The following ZBTB17 variants were observed in gnomAD, a reference collection of about 807,000 sequenced individuals.
ZBTB17 encodes the protein zinc finger and BTB domain containing 17.
A neutral mutation model predicts 85.1 loss-of-function variants in ZBTB17; 24 were observed. That is an observed-to-expected ratio of 0.28 (90% CI 0.20 to 0.40). ZBTB17 has a LOEUF of 0.40. Ranked by LOEUF, ZBTB17 falls within the 10% of genes least tolerant of loss-of-function variation. The pLI is 1.00. For missense variants in ZBTB17, 743 were observed against 1,105.1 expected (o/e 0.67, Z 4.65); for synonymous variants, 464 against 460.2 (o/e 1.01, Z -0.11).
chr1:15,966,625 G>GT lies in ZBTB17; in HGVS notation c.-3+6413dup, dbSNP rs2072451317. ...GAGCCTAAGCCCCAGTTTTCTACAC[G>GT]TATCTGTGCTGACTGCATTACTGAG... On this transcript the variant is annotated intron_variant, in intron 2 of 15. Transcript: ENST00000375743. The surrounding 1 kb of genome is among the most constrained non-coding windows in gnomAD (Gnocchi z 4.1). Among the ~76,000 whole-genome samples, 1 of 152,086 alleles carries GT rather than the reference G, an allele frequency of 6.6e-6. No homozygotes were observed.
chr1:15,947,943 C>G (rs1319097572), intron 3 of ZBTB17, among the ~76,000 whole-genome samples: 1 of 152,212 alleles, frequency 6.6e-6, no homozygotes, highest in Non-Finnish European at 1.5e-5. Context: ...CTAGTTAGCA[C>G]TGGGGTAGAT....
chr1:15,944,903 G>C (rs754143361), intron 7 of ZBTB17, 34 bp downstream of exon 7: 4 of 1,561,586 alleles, frequency 2.6e-6, no homozygotes, highest in Non-Finnish European at 1.7e-6. Context: ...GGGGAGGGAC[G>C]CTGGCTGGGA....
chr1:15,967,581 G>A (rs1242166597), intron 2 of ZBTB17, among the ~76,000 whole-genome samples: 2 of 151,814 alleles, frequency 1.3e-5, no homozygotes, highest in African/African-American at 4.8e-5. Flanking sequence ...ACACGCTTGA[G>A]AACCTTCTGA....
At chr1:15,956,689 A>G (rs1166879764) in intron 2 of ZBTB17, among the ~76,000 whole-genome samples, 5 of 152,176 alleles carry the variant, frequency 3.3e-5, no homozygotes, top group African/African-American at 1.2e-4. Flanking sequence ...ACAGATACAT[A>G]GAGAGAGAGG....
chr1:15,956,143 T>A (rs2072036874), intron 2 of ZBTB17, among the ~76,000 whole-genome samples: 1 of 152,194 alleles, frequency 6.6e-6, no homozygotes, highest in African/African-American at 2.4e-5. Context: ...ACTTGGGCAG[T>A]ACCTGATCAT....
chr1:15,946,543 C>T (rs557577006), intron 4 of ZBTB17, among the ~76,000 whole-genome samples: 1 of 152,360 alleles, frequency 6.6e-6, no homozygotes, highest in African/African-American at 2.4e-5. Flanking sequence ...CATGTGTGCA[C>T]TAAGGGAGCT....
Position 15,948,294 on chromosome 1 carries a change from C to T in ZBTB17, c.202G>A (p.Ala68Thr), listed in dbSNP as rs2071696156. Residue 68 changes from alanine (A) to threonine (T), a missense_variant, in exon 3 of 16, where the codon GCA becomes ACA. Physicochemically the swap from Ala to Thr is moderately conservative, Grantham distance 58 (BLOSUM62 0). Transcript: ENST00000375743. ...AGCCCCAGCCCTGACGGGGTACCTG[C>T]CGCGTTACTGATGTCCAGGTGCACC... ...DVVHLDISNA[A>T]GLGQVLEFMY... is the part of the protein sequence containing the mutation. 6.2e-7 allele frequency: 1 copy of T among 1,613,698 alleles called. No individual in the cohort carries two copies. The highest frequency in any genetic ancestry group is 1.3e-5 in the African/African-American group (1 of 74,948).
chr1:15,942,953 A>G, intron 13 of ZBTB17, 111 bp downstream of exon 13: 1 of 1,497,950 alleles, frequency 6.7e-7, no homozygotes, highest in Non-Finnish European at 9.0e-7. Context: ...GGCCACCTGC[A>G]GCAAGAGCTA....
At position 15,946,184 on chromosome 1, in the gene ZBTB17, G is replaced by A. The variant is rs763520387; in HGVS notation, c.505C>T (p.Arg169Cys). ...GCCGCACTCTGGGCCTGACCGCCGC[G>A]CTCCTCCTTGAGGTCCCTGCTGGGG... ...IGPSRDLKEE[R>C]GGQAQSAASG... Residue 169 changes from arginine (R) to cysteine (C), a missense_variant, in exon 5 of 16, where the codon CGC becomes TGC. This residue lies in a region of ZBTB17 where 279 missense variants were observed against 269.9 expected (regional missense o/e 1.03). Transcript: ENST00000375743. 31 of 1,610,774 alleles carry A rather than the reference G, an allele frequency of 1.9e-5. No homozygotes were observed. The highest frequency in any genetic ancestry group is 2.5e-5 in the Non-Finnish European group (30 of 1,179,996).
intron 7 of ZBTB17, 45 bp from the exon 8 acceptor site, chr1:15,944,884 G>A: frequency 6.4e-7 from 1 of 1,565,666 alleles, no homozygotes; most frequent in African/African-American, 1.3e-5. Flanking sequence ...CAGCCGGTGG[G>A]AGGCCGGAGG....
intron 4 of ZBTB17, among the ~76,000 whole-genome samples, chr1:15,946,503 G>A (rs1469842357): frequency 6.6e-6 from 1 of 152,236 alleles, no homozygotes; most frequent in African/African-American, 2.4e-5. Context: ...CAACAGTGAT[G>A]GTTCCTGCTT....
chr1:15,944,781 G>A lies in ZBTB17; in HGVS notation c.986C>T (p.Thr329Met). ...GNFKRHIRIHTGEKPFSCREC... is the reference protein window; with the variant it reads ...GNFKRHIRIHMGEKPFSCREC... ...CCGGCACGAGAAGGGCTTCTCCCCC[G>A]TGTGGATGCGGATGTGCCGCTTGAA... The change falls in exon 8 of 16, where the codon ACG becomes ATG. Residue 329 changes from threonine to methionine, a missense_variant. Coordinates refer to ENST00000375743, the MANE Select transcript of ZBTB17 (RefSeq NM_003443.3). 1 of 1,612,514 alleles carries A rather than the reference G, an allele frequency of 6.2e-7. No individual in the cohort carries two copies.
At position 15,945,856 on chromosome 1, in the gene ZBTB17, A is replaced by G. The variant is rs2071582420; in HGVS notation, c.536-16T>C. The stretch of plus-strand genomic sequence containing the variant: ...TGCTCTGCACCTGGGTGGGGGAAGC[A>G]CCGGAGGCTGGATTGCTACCCTCTG... On this transcript the variant is annotated splice_polypyrimidine_tract_variant and intron_variant, in intron 5 of 15. Coordinates refer to ENST00000375743, the MANE Select transcript of ZBTB17 (RefSeq NM_003443.3). 1.3e-6 allele frequency: 2 copies of G among 1,585,106 alleles called. No homozygotes were observed. Among genetic ancestry groups the G allele is most frequent in the African/African-American group, 1.3e-5 (1 of 74,606 alleles).
chr1:15,948,345 T>A lies in ZBTB17; in HGVS notation c.151A>T (p.Met51Leu). 6.2e-7 allele frequency: 1 copy of A among 1,613,986 alleles called. No homozygotes were observed. Among genetic ancestry groups the A allele is most frequent in the Non-Finnish European group, 8.5e-7 (1 of 1,180,044 alleles). ...VLAACSEYFKMLFVDQKDVVH... is the reference protein window; with the variant it reads ...VLAACSEYFKLLFVDQKDVVH... ...ACGTCCTTCTGGTCCACGAAGAGCA[T>A]CTTGAAGTACTCGCTGCAGGCCGCC... Residue 51 changes from methionine (M) to leucine (L), a missense_variant, in exon 3 of 16, where the codon ATG becomes TTG. Transcript: ENST00000375743.
rs2071446857 is a variant in ZBTB17 at position 15,943,490 on chromosome 1, C to T, written c.1606G>A (p.Gly536Ser). Residue 536 changes from glycine (G) to serine (S), a missense_variant, in exon 12 of 16, where the codon GGT becomes AGT. Gly to Ser is a moderately conservative substitution (Grantham distance 56). Around this residue, in one of 4 missense-constraint regions of ZBTB17, gnomAD observed 321 missense variants for 615.7 expected, o/e 0.52. Transcript: ENST00000375743. ...GEKPCQCVMC[G>S]KAFTQASSLI... Reference sequence around the variant, plus strand: ...GAGCTGGCCTGGGTGAAGGCCTTACCGCACATCACACACTGGCATGGCTTC... The same window carrying T: ...GAGCTGGCCTGGGTGAAGGCCTTACTGCACATCACACACTGGCATGGCTTC... The T allele has an allele frequency of 6.2e-7, 1 of 1,610,390 alleles. No individual in the cohort carries two copies. The highest frequency in any genetic ancestry group is 8.5e-7 in the Non-Finnish European group (1 of 1,177,810).
chr1:15,969,681 C>T (rs1031293522), intron 2 of ZBTB17: 12 of 465,520 alleles, frequency 2.6e-5, no homozygotes, highest in East Asian at 1.3e-4. Context: ...CCAATATCTT[C>T]GCCATCGCCA....
At position 15,948,028 on chromosome 1, in the gene ZBTB17, G is replaced by A. The variant is rs994283424; in HGVS notation, c.205+263C>T. 2.2e-5 allele frequency: 12 copies of A among 543,456 alleles called. No homozygotes were observed. In the African/African-American group the frequency reaches 2.3e-4, roughly 10 times the overall value. The allele number at this position is 543,456 out of a possible 1,614,324, so 33.7% of individuals were successfully genotyped here. A position where few individuals can be genotyped will look rare whatever the true frequency, so the allele number is the denominator to read the frequency against. ...GCCTACTCTCTGCCCCTCCCAATGAGGCCTTTCCTGTGTTCACTGCGGCCT... is the reference window on the plus strand; with the variant it reads ...GCCTACTCTCTGCCCCTCCCAATGAAGCCTTTCCTGTGTTCACTGCGGCCT... On this transcript the variant is annotated intron_variant, in intron 3 of 15. Coordinates refer to ENST00000375743, the MANE Select transcript of ZBTB17 (RefSeq NM_003443.3).
chr1:15,969,022 G>A (rs968262214), intron 2 of ZBTB17, among the ~76,000 whole-genome samples: 4 of 152,234 alleles, frequency 2.6e-5, no homozygotes, highest in African/African-American at 9.6e-5. Flanking sequence ...GCACGCAAGT[G>A]AGCGAAGCTT....
rs749846411 is a variant in ZBTB17, at chr1:15,942,269, G to A, written c.2129-17C>T. On this transcript the variant is annotated splice_polypyrimidine_tract_variant and intron_variant, in intron 15 of 15. Coordinates refer to ENST00000375743, the MANE Select transcript of ZBTB17 (RefSeq NM_003443.3). Reference sequence around the variant, plus strand: ...TGTTGGGGTCTGTGGAGGTGGGGCAGCAGTCAGAGTGGGAAGGACCCCGGG... The same window carrying A: ...TGTTGGGGTCTGTGGAGGTGGGGCAACAGTCAGAGTGGGAAGGACCCCGGG... 2.5e-6 allele frequency: 4 copies of A among 1,612,968 alleles called. No individual in the cohort carries two copies. The African/African-American group carries it at 4.0e-5, about 16-fold the overall frequency.
Sources: gnomAD v4.1 joint callset for allele counts (sites outside exome capture counted in the v4.1 genomes callset) on GRCh38, gnomAD v4.1.1 for gene constraint, gnomAD v4.1.1 regional missense constraint, Gnocchi (gnomAD v3.1) non-coding constraint, MANE v1.5 for transcripts, NCBI Gene and HGNC (gene_info 2026-07-23, HGNC 2026-07-21) for gene names.